The following SCART1 variants were observed in gnomAD, a reference collection of about 807,000 sequenced individuals.
SCART1 encodes the protein scavenger receptor cysteine-rich domain-containing protein SCART1.
In SCART1, 62 loss-of-function variants were observed where a neutral mutation model predicts 36.2. The ratio of observed to expected loss-of-function variants is 1.71; its 90% CI spans 1.40 to 2.12. The LOEUF (loss-of-function observed/expected upper bound fraction) is 2.12. Ranked by LOEUF, SCART1 falls within the 30% of genes most tolerant of loss-of-function variation. The pLI is 0.00. For missense variants in SCART1, 1,041 were observed against 540.5 expected (o/e 1.93, Z -9.18); for synonymous variants, 487 against 238.7 (o/e 2.04, Z -9.59).
At chr10:133,467,648 G>C (rs1589937890) in intron 11 of SCART1, among the ~76,000 whole-genome samples, 199 bp from the exon 12 acceptor site, 1 of 152,198 alleles carries the variant, frequency 6.6e-6, no homozygotes, top group Admixed American at 6.5e-5. Context: ...AGCTCACTCA[G>C]CCTCAGTTTC....
intron 3 of SCART1, chr10:133,457,916 C>G (rs1850640153): frequency 2.0e-6 from 1 of 511,242 alleles, no homozygotes; most frequent in African/African-American, 1.9e-5. Flanking sequence ...AGCCCTGCCT[C>G]AACTGTGTGT....
chr10:133,466,072 TGCTCTGCACAGCTGAAACCA>T, intron 9 of SCART1, 143 bp from the exon 10 acceptor site: 1 of 626,904 alleles, frequency 1.6e-6, no homozygotes, highest in Non-Finnish European at 2.9e-6. Context: ...CATTTTGGGG[TGCTCTGCACAGCTGAAACCA>T]GCAGATGCCC....
At chr10:133,462,151 C>T (rs545575349) in intron 6 of SCART1, among the ~76,000 whole-genome samples, 6 of 152,352 alleles carry the variant, frequency 3.9e-5, no homozygotes, top group African/African-American at 7.2e-5. Context: ...TGCTGTCCCA[C>T]GTGTGGGCAG....
chr10:133,464,358 C>T, intron 6 of SCART1: 2 of 450,640 alleles, frequency 4.4e-6, no homozygotes, highest in Non-Finnish European at 7.9e-6. Flanking sequence ...TGCAGTGAAC[C>T]TGGGCGTGCA....
At chr10:133,454,107 T>C (rs2133547553) in intron 1 of SCART1, 43 bp downstream of exon 1, 1 of 702,864 alleles carries the variant, frequency 1.4e-6, no homozygotes, top group African/African-American at 1.7e-5. Flanking sequence ...TCTGGAGGCA[T>C]CAGCTCTGTT....
In SCART1 at chr10:133,456,276, C is replaced by T. The variant is rs748842017; in HGVS notation, c.107C>T (p.Thr36Met). 246 of 702,860 alleles carry T rather than the reference C, an allele frequency of 3.5e-4. 1 individual carries two copies. Among genetic ancestry groups the T allele is most frequent in the African/African-American group, 1.5e-3 (86 of 57,364 alleles). The allele number at this position is 702,860 out of a possible 1,614,324, so 43.5% of individuals were successfully genotyped here. The change falls in exon 2 of 12, where the codon ACG becomes ATG. Residue 36 changes from threonine (T) to methionine (M), a missense_variant. Transcript: ENST00000640237. ...CTGAGGCTGGCGTACAGACACAGCA[C>T]GTGCGACGGAGTGGTGTTGGTCCGA...
chr10:133,465,520 C>T (rs1850755306), exon 9 of SCART1: 3 of 524,982 alleles, frequency 5.7e-6, no homozygotes, highest in Non-Finnish European at 9.9e-6. Context: ...GCGGTGGGGA[C>T]GCGGAGACCG....
chr10:133,457,325 C>T (rs1381909301), exon 3 of SCART1: 8 of 694,262 alleles, frequency 1.2e-5, no homozygotes, highest in Admixed American at 2.0e-5. Context: ...GCAGTCCCTG[C>T]GCGGGACTCC....
At chr10:133,458,128 C>T in intron 3 of SCART1, 1 of 690,688 alleles carries the variant, frequency 1.4e-6, no homozygotes, top group Admixed American at 2.1e-5. Context: ...ACGTGAGCAC[C>T]TGCAGCAGGT....
At chr10:133,468,128 T>C in exon 12 of SCART1, 1 of 537,952 alleles carries the variant, frequency 1.9e-6, no homozygotes, top group South Asian at 2.7e-5. Context: ...CCTGCCTGGC[T>C]CTAAACCTCA....
At chr10:133,459,408 A>T in intron 5 of SCART1, 79 bp from the exon 6 acceptor site, 2 of 613,886 alleles carry the variant, frequency 3.3e-6, no homozygotes, top group Non-Finnish European at 5.8e-6. Context: ...GAGGGGGCGG[A>T]GAGGTACGGG....
At chr10:133,469,669 C>T (rs1324271508), downstream of SCART1, among the ~76,000 whole-genome samples, 1 of 152,086 alleles carries the variant, frequency 6.6e-6, no homozygotes, top group East Asian at 1.9e-4. Flanking sequence ...GTGCAGCAAA[C>T]CACCACGACA....
exon 9 of SCART1, chr10:133,465,367 G>A (rs961466858): frequency 3.0e-6 from 2 of 677,574 alleles, no homozygotes; most frequent in South Asian, 1.6e-5. Context: ...GGCGGACGCG[G>A]AGGTCGTGTG....
chr10:133,456,527 G>A (rs1397214280), exon 2 of SCART1: 16 of 679,306 alleles, frequency 2.4e-5, no homozygotes, highest in Middle Eastern at 2.5e-4. Flanking sequence ...GTGCCCCCAC[G>A]CATGGGTGGT....
At chr10:133,459,786 G>C (rs1181110534) in exon 6 of SCART1, 1 of 673,710 alleles carries the variant, frequency 1.5e-6, no homozygotes, top group African/African-American at 1.8e-5. Flanking sequence ...CTCGCGGGAC[G>C]CCGGCGTGGT....
exon 7 of SCART1, chr10:133,464,855 C>G: frequency 2.8e-6 from 2 of 702,954 alleles, no homozygotes; most frequent in Non-Finnish European, 5.2e-6. Context: ...CAACTCCACT[C>G]TGTGGCAATG....
exon 6 of SCART1, chr10:133,459,785 C>T (rs1483280230): frequency 3.0e-6 from 2 of 673,848 alleles, no homozygotes; most frequent in East Asian, 2.8e-5. Flanking sequence ...CCTCGCGGGA[C>T]GCCGGCGTGG....
At chr10:133,457,215 C>A (rs1273481422) in intron 2 of SCART1, 64 bp from the exon 3 acceptor site, 1 of 678,774 alleles carries the variant, frequency 1.5e-6, no homozygotes, top group Non-Finnish European at 2.6e-6. Flanking sequence ...GAAAAAGGAG[C>A]TGCCGAGTGA....
chr10:133,465,262 C>T (rs938792024), exon 9 of SCART1: 3 of 693,196 alleles, frequency 4.3e-6, no homozygotes, highest in African/African-American at 3.5e-5. Flanking sequence ...GGAGGGCGCA[C>T]TGCGCGTGCG....
Sources: allele counts gnomAD v4.1 joint callset (sites outside exome capture counted in the v4.1 genomes callset), GRCh38; gene constraint gnomAD v4.1.1; transcripts MANE v1.5; gene names NCBI Gene and HGNC (gene_info 2026-07-23, HGNC 2026-07-21).